FLRT2: variants seen among roughly 807,000 people sequenced by gnomAD.
FLRT2 encodes fibronectin leucine rich transmembrane protein 2, also known as leucine-rich repeat transmembrane protein FLRT2.
A neutral mutation model predicts 40.0 loss-of-function variants in FLRT2; 15 were observed. The observed-to-expected ratio is 0.38, with a 90% CI of 0.25 to 0.58. FLRT2 has a LOEUF of 0.58. Among genes scored for constraint, FLRT2 ranks in the 20% least tolerant of loss-of-function variants. FLRT2 has a pLI of 0.71. For missense variants in FLRT2, 726 were observed against 840.0 expected (o/e 0.86, Z 1.68); for synonymous variants, 380 against 336.8 (o/e 1.13, Z -1.41).
At chr14:85,578,904 G>T (rs940984494) in intron 1 of FLRT2, among the ~76,000 whole-genome samples, 8 of 152,172 alleles carry the variant, frequency 5.3e-5, no homozygotes, top group Admixed American at 4.6e-4. Context: ...TCCAAAGGCT[G>T]GAGATGTCTT....
In FLRT2 at chr14:85,622,899, T is replaced by C. The variant is rs139260862; in HGVS notation, c.1385T>C (p.Val462Ala). 2.0e-4 allele frequency: 324 copies of C among 1,614,184 alleles called. No homozygotes were observed. The highest frequency in any genetic ancestry group is 3.0e-4 in the Admixed American group (18 of 60,026). The change falls in exon 2 of 2, where the codon GTA (valine) becomes GCA (alanine). Residue 462 changes from valine to alanine, a missense_variant. By Grantham distance (64) the Val-to-Ala change is moderately conservative. This residue lies in a region of FLRT2 where 611 missense variants were observed against 690.0 expected (regional missense o/e 0.89). Coordinates refer to ENST00000330753, the MANE Select transcript of FLRT2 (RefSeq NM_013231.6). ...TGGGTGAAAATGGGCCACAGTTTAG[T>C]AGGGGGCATCGTTCAGGAGCGCATA... ...LTWVKMGHSL[V>A]GGIVQERIVS...
At chr14:85,584,763 G>T (rs186084872) in intron 1 of FLRT2, among the ~76,000 whole-genome samples, 64 of 152,298 alleles carry the variant, frequency 4.2e-4, no homozygotes, top group Admixed American at 4.2e-3. Flanking sequence ...CGGTGTGCAT[G>T]TGTGCAGCTG....
chr14:85,564,330 G>C, intron 1 of FLRT2, among the ~76,000 whole-genome samples: 1 of 152,102 alleles, frequency 6.6e-6, no homozygotes, highest in East Asian at 1.9e-4. Context: ...CCCATATGTT[G>C]AGTAAAATTT....
In FLRT2 at chr14:85,627,188, C is replaced by T. The variant is rs912279672; in HGVS notation, c.*3691C>T. The T allele has an allele frequency of 1.8e-5, 3 of 167,052 alleles. No individual in the cohort carries two copies. Among genetic ancestry groups the T allele is most frequent in the African/African-American group, 7.2e-5 (3 of 41,442 alleles). 10.3% of individuals were successfully genotyped at this position (167,052 alleles called of 1,614,324 possible). On this transcript the variant is annotated 3_prime_UTR_variant, in exon 2 of 2. Transcript: ENST00000330753. The stretch of plus-strand genomic sequence containing the variant: ...GAATAGCAGTTTTGCTCATGACTTA[C>T]CATTCCAGCTGCATGGGAAAGCAAA...
intron 1 of FLRT2, among the ~76,000 whole-genome samples, chr14:85,581,774 T>C (rs980155949): frequency 6.6e-6 from 1 of 152,224 alleles, no homozygotes; most frequent in Admixed American, 6.5e-5. Context: ...GCTTATGAGA[T>C]TGGTGCCCCA....
At chr14:85,586,088 G>T (rs1322875177) in intron 1 of FLRT2, among the ~76,000 whole-genome samples, 7 of 147,682 alleles carry the variant, frequency 4.7e-5, no homozygotes, top group Non-Finnish European at 7.4e-5. Context: ...TATATAGTCA[G>T]TGTATATTTA....
intron 1 of FLRT2, among the ~76,000 whole-genome samples, chr14:85,533,990 G>A (rs1230461719): frequency 6.6e-6 from 1 of 152,204 alleles, no homozygotes; most frequent in African/African-American, 2.4e-5. Flanking sequence ...GAGAACCTTT[G>A]CAGGTAACGC....
In FLRT2 at chr14:85,650,136, C is replaced by T. The variant is rs1026614147; in HGVS notation, c.*26639C>T. ...TCTTTGCTTTGTCAAATACTTACTA[C>T]GTTCATATGTATTGATGTACAGTAT... is the stretch of plus-strand genomic sequence containing the variant. On this transcript the variant is annotated 3_prime_UTR_variant, in exon 2 of 2. Transcript: ENST00000330753. The T allele has an allele frequency of 6.6e-5, 10 of 151,954 alleles. No homozygotes were observed. Among genetic ancestry groups the T allele is most frequent in the African/African-American group, 9.7e-5 (4 of 41,402 alleles). The allele number at this position is 151,954 out of a possible 1,614,324, so 9.4% of individuals were successfully genotyped here.
rs781639291 is a variant in FLRT2, at chr14:85,630,285, C to CTTTTTTTTT, written c.*6802_*6810dup. The stretch of plus-strand genomic sequence containing the variant: ...CATACCAATGGGTGATCATATCTGT[C>CTTTTTTTTT]TTTTTTTTTTTTTTTTTTTTTTGGT... On this transcript the variant is annotated 3_prime_UTR_variant, in exon 2 of 2. Transcript: ENST00000330753. The CTTTTTTTTT allele has an allele frequency of 5.4e-5, 5 of 93,448 alleles. No individual in the cohort carries two copies. Among genetic ancestry groups the CTTTTTTTTT allele is most frequent in the Non-Finnish European group, 7.9e-5 (4 of 50,460 alleles). 5.8% of individuals were successfully genotyped at this position (93,448 alleles called of 1,614,324 possible). A position where few individuals can be genotyped will look rare whatever the true frequency, so the allele number is the denominator to read the frequency against.
Position 85,643,286 on chromosome 14 carries a change from C to CTTTTT in FLRT2, c.*19793_*19797dup, listed in dbSNP as rs1217967785. The CTTTTT allele has an allele frequency of 4.8e-5, 7 of 146,586 alleles. No individual in the cohort carries two copies. The highest frequency in any genetic ancestry group is 2.6e-5 in the African/African-American group (1 of 38,796). 9.1% of individuals were successfully genotyped at this position (146,586 alleles called of 1,614,324 possible). On this transcript the variant is annotated 3_prime_UTR_variant, in exon 2 of 2. Coordinates refer to ENST00000330753, the MANE Select transcript of FLRT2 (RefSeq NM_013231.6). ...TCATGAGAGAGTTCAGAGGGTATTT[C>CTTTTT]TTTTTTTTCTTTCTTTCTTTCTTTC...
Position 85,622,137 on chromosome 14 carries a change from G to A in FLRT2, c.623G>A (p.Arg208His), listed in dbSNP as rs765614375. ...TTCCAGAATCTCACGAGCTTGGAGC[G>A]TCTTATTGTGGACGGGAACCTCCTG... ...MAFQNLTSLE[R>H]LIVDGNLLTN... Residue 208 changes from arginine (R) to histidine (H), a missense_variant, in exon 2 of 2, where the codon CGT becomes CAT. Transcript: ENST00000330753. 1.4e-5 allele frequency: 23 copies of A among 1,614,024 alleles called. No individual in the cohort carries two copies. Among genetic ancestry groups the A allele is most frequent in the South Asian group, 5.5e-5 (5 of 91,082 alleles).
chr14:85,613,810 G>A (rs992417238), intron 1 of FLRT2, among the ~76,000 whole-genome samples: 1 of 152,136 alleles, frequency 6.6e-6, no homozygotes, highest in Non-Finnish European at 1.5e-5. Flanking sequence ...TCCTAGCCCT[G>A]TCACTTACTC....
At chr14:85,571,196 C>T (rs940298625) in intron 1 of FLRT2, among the ~76,000 whole-genome samples, 7 of 152,178 alleles carry the variant, frequency 4.6e-5, no homozygotes, top group Non-Finnish European at 8.8e-5. Context: ...CTGTAGAAAA[C>T]GATGTCATCT....
chr14:85,583,198 C>T (rs1403498985), intron 1 of FLRT2, among the ~76,000 whole-genome samples: 2 of 152,148 alleles, frequency 1.3e-5, no homozygotes, highest in Non-Finnish European at 1.5e-5. Context: ...CTGCCAGTGC[C>T]TCTAACAGGA....
At chr14:85,558,948 T>G (rs1890143062) in intron 1 of FLRT2, among the ~76,000 whole-genome samples, 2 of 152,208 alleles carry the variant, frequency 1.3e-5, no homozygotes, top group African/African-American at 2.4e-5. Flanking sequence ...TGTGTACAGG[T>G]GGCTAGTGGC....
In FLRT2 at chr14:85,622,687, T is replaced by C; in HGVS notation, c.1173T>C (p.Pro391=). The change falls in exon 2 of 2, where the codon CCT becomes CCC. Residue 391 remains proline, a synonymous_variant. Transcript: ENST00000330753. ...CTCCCACCCTCTCTATTCCAAACCC[T>C]AGCAGAAGCTACACGCCTCCAACTC... ...TQPPTLSIPN[P]SRSYTPPTPT... 6.2e-7 allele frequency: 1 copy of C among 1,614,012 alleles called. No individual in the cohort carries two copies. The highest frequency in any genetic ancestry group is 8.5e-7 in the Non-Finnish European group (1 of 1,180,004).
chr14:85,600,586 C>T (rs1174879881), intron 1 of FLRT2, among the ~76,000 whole-genome samples: 1 of 152,106 alleles, frequency 6.6e-6, no homozygotes, highest in Non-Finnish European at 1.5e-5. Context: ...CTAATCCTTG[C>T]AGAGAAGTCA....
chr14:85,603,363 A>G (rs969046525), intron 1 of FLRT2, among the ~76,000 whole-genome samples: 4 of 152,218 alleles, frequency 2.6e-5, no homozygotes, highest in Non-Finnish European at 4.4e-5. Context: ...AAGATGTGTC[A>G]TGATGCTTTC....
intron 1 of FLRT2, among the ~76,000 whole-genome samples, chr14:85,547,187 A>C (rs531881128): frequency 6.6e-6 from 1 of 152,148 alleles, no homozygotes; most frequent in Admixed American, 6.5e-5. Context: ...CTCTTTCTCA[A>C]ACTTTCCCTA....
Sources: allele counts gnomAD v4.1 joint callset (sites outside exome capture counted in the v4.1 genomes callset), GRCh38; gene constraint gnomAD v4.1.1; regional missense constraint gnomAD v4.1.1; transcripts MANE v1.5; gene names NCBI Gene and HGNC (gene_info 2026-07-23, HGNC 2026-07-21).